Variants in PIP4K2A observed in about 807,000 individuals in gnomAD.
The protein encoded by PIP4K2A is phosphatidylinositol-5-phosphate 4-kinase type 2 alpha, also known as phosphatidylinositol 5-phosphate 4-kinase type-2 alpha.
A neutral mutation model predicts 42.9 loss-of-function variants in PIP4K2A; 14 were observed. The observed-to-expected ratio is 0.33, with a 90% confidence interval of 0.22 to 0.51. The LOEUF (loss-of-function observed/expected upper bound fraction) is 0.51, where lower values mean the gene tolerates loss of function less well. Among genes scored for constraint, PIP4K2A ranks in the 20% least tolerant of loss-of-function variants. The pLI is 0.97. For synonymous variants in PIP4K2A, 192 were observed against 192.2 expected (o/e 1.00, Z 0.01); for missense variants, 434 against 519.8 (o/e 0.83, Z 1.61).
chr10:22,700,702 C>T (rs1268521212), intron 1 of PIP4K2A, among the ~76,000 whole-genome samples: 4 of 152,180 alleles, frequency 2.6e-5, no homozygotes, highest in Non-Finnish European at 5.9e-5. Context: ...ATGTAGAATG[C>T]TACAGAGGTC....
intron 1 of PIP4K2A, among the ~76,000 whole-genome samples, chr10:22,690,914 G>A (rs1257695189): frequency 6.6e-6 from 1 of 152,174 alleles, no homozygotes; most frequent in African/African-American, 2.4e-5. Context: ...CAAGAGCAGT[G>A]GGGCATCAAT....
rs532231831 is a variant in PIP4K2A, at chr10:22,651,732, C to T, written c.145-42015G>A. Among the ~76,000 whole-genome samples the T allele has an allele frequency of 5.9e-5, 9 of 152,356 alleles. No homozygotes were observed. The East Asian group carries it at 9.7e-4, about 16-fold the overall frequency. On this transcript the variant is annotated intron_variant, in intron 1 of 9. Transcript: ENST00000376573. Reference sequence around the variant, plus strand: ...AGTGGAACCGGTGAGAGCAAGGCCACGACTACTGAGGTCTGTGCTGGTGCC... The same window carrying T: ...AGTGGAACCGGTGAGAGCAAGGCCATGACTACTGAGGTCTGTGCTGGTGCC...
intron 1 of PIP4K2A, among the ~76,000 whole-genome samples, chr10:22,627,560 T>C (rs969188313): frequency 5.7e-5 from 6 of 105,490 alleles, no homozygotes; most frequent in African/African-American, 1.9e-4. Flanking sequence ...AAAATAGACC[T>C]GCATTTGTTT....
intron 3 of PIP4K2A, among the ~76,000 whole-genome samples, chr10:22,596,953 T>C (rs1317783726): frequency 6.6e-6 from 1 of 152,208 alleles, no homozygotes; most frequent in African/African-American, 2.4e-5. Flanking sequence ...TTTTCTATAG[T>C]GACATACACC....
At chr10:22,603,310 A>G (rs1320421001) in intron 3 of PIP4K2A, among the ~76,000 whole-genome samples, 1 of 152,150 alleles carries the variant, frequency 6.6e-6, no homozygotes, top group Admixed American at 6.5e-5. Flanking sequence ...GTTTAACAGC[A>G]TCAGCTCCCT....
Position 22,714,418 on chromosome 10 carries a change from C to CCGG in PIP4K2A, c.-95_-93dup. On this transcript the variant is annotated 5_prime_UTR_variant, in exon 1 of 10. Coordinates refer to ENST00000376573, the MANE Select transcript of PIP4K2A (RefSeq NM_005028.5). Reference sequence around the variant, plus strand: ...GGCCCGGGGAGGCAGCCGCATCCCCCCGGCGGCGGCCCCGGCGCGCCGCGC... The same window carrying CCGG: ...GGCCCGGGGAGGCAGCCGCATCCCCCCGGCGGCGGCGGCCCCGGCGCGCCGCGC... The CCGG allele has an allele frequency of 1.1e-6, 1 of 890,780 alleles. No individual in the cohort carries two copies. The highest frequency in any genetic ancestry group is 1.4e-6 in the Non-Finnish European group (1 of 720,606). 55.2% of individuals were successfully genotyped at this position (890,780 alleles called of 1,614,324 possible).
At chr10:22,553,769 G>A (rs560870783) in intron 6 of PIP4K2A, among the ~76,000 whole-genome samples, 4 of 147,660 alleles carry the variant, frequency 2.7e-5, no homozygotes, top group South Asian at 4.4e-4. Flanking sequence ...GACTTGAAAT[G>A]GGTATTACAG....
chr10:22,567,973 G>A lies in PIP4K2A; in HGVS notation c.640-84C>T. On this transcript the variant is annotated intron_variant, in intron 5 of 9. Coordinates refer to ENST00000376573, the MANE Select transcript of PIP4K2A (RefSeq NM_005028.5). ...GAAAATATGAAAATGGCTCCAGGCG[G>A]AGCAGAGAGCCAGCTCAGCACCCAC... The A allele has an allele frequency of 2.5e-6, 3 of 1,220,788 alleles. No homozygotes were observed. The South Asian group carries it at 3.6e-5, about 15-fold the overall frequency. The allele number at this position is 1,220,788 out of a possible 1,614,324, so 75.6% of individuals were successfully genotyped here. A position where few individuals can be genotyped will look rare whatever the true frequency, so the allele number is the denominator to read the frequency against.
At chr10:22,583,658 C>T (rs1261677608) in intron 4 of PIP4K2A, among the ~76,000 whole-genome samples, 1 of 152,162 alleles carries the variant, frequency 6.6e-6, no homozygotes, top group Non-Finnish European at 1.5e-5. Context: ...AGAAACAAAA[C>T]TCTCAGAAAA....
intron 4 of PIP4K2A, among the ~76,000 whole-genome samples, chr10:22,580,803 A>G (rs1306645155): frequency 6.6e-6 from 1 of 152,190 alleles, no homozygotes; most frequent in African/African-American, 2.4e-5. Context: ...ATGTGGCTAC[A>G]AGGCAATCCT....
intron 4 of PIP4K2A, among the ~76,000 whole-genome samples, chr10:22,589,320 A>C (rs2130818545): frequency 6.6e-6 from 1 of 152,346 alleles, no homozygotes; most frequent in Non-Finnish European, 1.5e-5. Flanking sequence ...CAAAGCTGCA[A>C]CCTGTAATTC....
chr10:22,583,372 C>T (rs1837321012), intron 4 of PIP4K2A, among the ~76,000 whole-genome samples: 1 of 152,142 alleles, frequency 6.6e-6, no homozygotes, highest in African/African-American at 2.4e-5. Flanking sequence ...CAATGGGGAG[C>T]TGGGGCCTGA....
chr10:22,626,611 T>G (rs548659499), intron 1 of PIP4K2A, among the ~76,000 whole-genome samples: 12 of 152,174 alleles, frequency 7.9e-5, no homozygotes, highest in African/African-American at 2.9e-4. Flanking sequence ...ACTTTAGGTT[T>G]TAGCACACCT....
intron 1 of PIP4K2A, among the ~76,000 whole-genome samples, chr10:22,627,482 A>G (rs1838464569): frequency 6.6e-6 from 1 of 151,890 alleles, no homozygotes; most frequent in African/African-American, 2.4e-5. Flanking sequence ...TTTCTCACAA[A>G]TATCTCTTTT....
At chr10:22,596,256 T>C (rs1837633575) in intron 3 of PIP4K2A, among the ~76,000 whole-genome samples, 1 of 148,038 alleles carries the variant, frequency 6.8e-6, no homozygotes, top group Non-Finnish European at 1.5e-5. Flanking sequence ...CTCGTTGCTC[T>C]AGGAAATGCT....
At chr10:22,558,767 G>T (rs1027212139) in intron 6 of PIP4K2A, among the ~76,000 whole-genome samples, 2 of 152,186 alleles carry the variant, frequency 1.3e-5, no homozygotes, top group Non-Finnish European at 2.9e-5. Flanking sequence ...ATCTGTTTAT[G>T]TATGAATGTG....
intron 1 of PIP4K2A, among the ~76,000 whole-genome samples, chr10:22,661,291 T>C (rs1465635200): frequency 6.6e-6 from 1 of 152,054 alleles, no homozygotes; most frequent in Non-Finnish European, 1.5e-5. Flanking sequence ...AAATTCATCT[T>C]GTTTTTGATT....
intron 1 of PIP4K2A, among the ~76,000 whole-genome samples, chr10:22,703,155 C>T (rs1383338239): frequency 2.0e-5 from 3 of 152,170 alleles, no homozygotes; most frequent in Non-Finnish European, 2.9e-5. Context: ...CCTCTAATCC[C>T]AGCACCTAGG....
intron 3 of PIP4K2A, among the ~76,000 whole-genome samples, chr10:22,593,854 T>G (rs1167989315): frequency 6.6e-6 from 1 of 152,150 alleles, no homozygotes; most frequent in Non-Finnish European, 1.5e-5. Flanking sequence ...GTAAAACAAC[T>G]TTTGGGGGAT....
Sources: allele counts gnomAD v4.1 joint callset (sites outside exome capture counted in the v4.1 genomes callset), GRCh38; gene constraint gnomAD v4.1.1; transcripts MANE v1.5; gene names NCBI Gene and HGNC (gene_info 2026-07-23, HGNC 2026-07-21).